CSMD3: variants seen among roughly 807,000 people sequenced by gnomAD.
The protein encoded by CSMD3 is CUB and sushi domain-containing protein 3.
Under a neutral mutation model 435.2 loss-of-function variants are expected in CSMD3, and 177 were observed. The ratio of observed to expected loss-of-function variants is 0.41; its 90% CI spans 0.36 to 0.46. The LOEUF is 0.46. Ranked by LOEUF, CSMD3 falls within the 20% of genes least tolerant of loss-of-function variation. CSMD3 has a pLI of 0.34. For synonymous variants in CSMD3, 1,656 were observed against 1,520.5 expected (o/e 1.09, Z -2.07); for missense variants, 4,265 against 4,504.6 (o/e 0.95, Z 1.52).
At chr8:112,596,897 GC>G (rs1185729495) in intron 22 of CSMD3, among the ~76,000 whole-genome samples, 1 of 151,438 alleles carries the variant, frequency 6.6e-6, no homozygotes, top group Non-Finnish European at 1.5e-5. Context: ...AGCACTAAAT[GC>G]CCACAAGAGA....
chr8:113,118,417 C>A (rs2090897858), intron 4 of CSMD3, among the ~76,000 whole-genome samples: 1 of 152,148 alleles, frequency 6.6e-6, no homozygotes, highest in Admixed American at 6.5e-5. Context: ...GCTCTAGAAT[C>A]AGAAAGACTT....
intron 1 of CSMD3, among the ~76,000 whole-genome samples, chr8:113,402,930 G>C (rs1413059027): frequency 6.6e-6 from 1 of 150,938 alleles, no homozygotes; most frequent in Non-Finnish European, 1.5e-5. Flanking sequence ...AACATGTTTT[G>C]GTTCTGAACA....
intron 4 of CSMD3, among the ~76,000 whole-genome samples, chr8:113,147,444 G>A (rs916790395): frequency 5.3e-4 from 80 of 151,364 alleles, no homozygotes; most frequent in African/African-American, 1.8e-3. Context: ...ATATTCTGTC[G>A]GTCTTTCTGA....
intron 1 of CSMD3, among the ~76,000 whole-genome samples, chr8:113,427,196 T>C (rs1329787815): frequency 6.6e-6 from 1 of 151,446 alleles, no homozygotes; most frequent in African/African-American, 2.4e-5. Context: ...ATATATTTTA[T>C]CATATACACA....
intron 1 of CSMD3, among the ~76,000 whole-genome samples, chr8:113,381,435 AAAG>A (rs534709173): frequency 1.3e-4 from 20 of 152,286 alleles, no homozygotes; most frequent in African/African-American, 4.3e-4. Flanking sequence ...AAAATTGAAA[AAAG>A]AAGATTACTA....
intron 1 of CSMD3, among the ~76,000 whole-genome samples, chr8:113,355,271 C>A (rs1292233989): frequency 1.3e-5 from 2 of 151,358 alleles, no homozygotes; most frequent in Non-Finnish European, 2.9e-5. Context: ...ACATATATAA[C>A]ACACACACAC....
chr8:112,545,915 T>C (rs1827143650), intron 27 of CSMD3, among the ~76,000 whole-genome samples: 1 of 152,184 alleles, frequency 6.6e-6, no homozygotes, highest in South Asian at 2.1e-4. Flanking sequence ...AAATAAGGAC[T>C]GTCCTTAGTA....
chr8:112,518,525 G>A (rs1429245804), intron 27 of CSMD3, among the ~76,000 whole-genome samples: 1 of 151,816 alleles, frequency 6.6e-6, no homozygotes, highest in Non-Finnish European at 1.5e-5. Flanking sequence ...TTTCTCAGCA[G>A]AGCACTAAAT....
intron 3 of CSMD3, among the ~76,000 whole-genome samples, chr8:113,194,437 C>A (rs997363877): frequency 1.3e-5 from 2 of 151,058 alleles, no homozygotes; most frequent in Non-Finnish European, 3.0e-5. Context: ...GATTTTTAGA[C>A]CAGTAAAACC....
chr8:113,076,935 A>C (rs1027636653), intron 5 of CSMD3, among the ~76,000 whole-genome samples: 1 of 152,142 alleles, frequency 6.6e-6, no homozygotes, highest in African/African-American at 2.4e-5. Context: ...ACTATTCCTG[A>C]AGTGACATTA....
intron 23 of CSMD3, among the ~76,000 whole-genome samples, chr8:112,579,397 G>A (rs1830176809): frequency 6.6e-6 from 1 of 152,016 alleles, no homozygotes. Context: ...TGAATGTGAT[G>A]TCATTGAATG....
chr8:112,252,679 GTATATATATATATATA>G (rs10542301), intron 63 of CSMD3, among the ~76,000 whole-genome samples: 2 of 141,440 alleles, frequency 1.4e-5, no homozygotes, highest in Admixed American at 7.2e-5. Context: ...ATGTGTGTGT[GTATATATATATATATA>G]TATATATATA....
Position 112,727,515 on chromosome 8 carries a change from T to C in CSMD3, c.1973-37465A>G, listed in dbSNP as rs549863371. ...ACTATTCTTGGAGGGTGTTACACACTGCTTCAAGATTCTTAATGACTTCAG... is the reference window on the plus strand; with the variant it reads ...ACTATTCTTGGAGGGTGTTACACACCGCTTCAAGATTCTTAATGACTTCAG... On this transcript the variant is annotated intron_variant, in intron 13 of 70. Transcript: ENST00000297405. Among the ~76,000 whole-genome samples, 12 of 151,998 alleles carry C rather than the reference T, an allele frequency of 7.9e-5. No homozygotes were observed. In the South Asian group the frequency reaches 2.5e-3, roughly 31 times the overall value.
At chr8:112,454,224 G>T (rs1321318534) in intron 32 of CSMD3, among the ~76,000 whole-genome samples, 3 of 152,102 alleles carry the variant, frequency 2.0e-5, no homozygotes, top group African/African-American at 7.2e-5. Context: ...AAAAGCAGTT[G>T]CAACAGAAAC....
At chr8:113,230,775 T>C (rs183836359) in intron 3 of CSMD3, among the ~76,000 whole-genome samples, 1 of 151,536 alleles carries the variant, frequency 6.6e-6, no homozygotes, top group Non-Finnish European at 1.5e-5. Context: ...TGTTTGAAAA[T>C]GGATATCAGA....
chr8:112,879,891 A>C (rs1456855179), intron 10 of CSMD3, among the ~76,000 whole-genome samples: 6 of 151,938 alleles, frequency 3.9e-5, no homozygotes, highest in African/African-American at 1.4e-4. Flanking sequence ...GGATACAGGA[A>C]GGGGAACATC....
chr8:113,177,548 T>C lies in CSMD3; in HGVS notation c.515-3632A>G, dbSNP rs547001298. Among the ~76,000 whole-genome samples the C allele has an allele frequency of 2.4e-4, 36 of 152,014 alleles. No individual in the cohort carries two copies. In the South Asian group the frequency reaches 7.5e-3, roughly 31 times the overall value. On this transcript the variant is annotated intron_variant, in intron 3 of 70. Transcript: ENST00000297405. ...TGTCTTCTAACGTCCCATAATACAA[T>C]GATTAAAATGGGATTGCAGTAGGGG...
chr8:112,372,201 T>A (rs1301140402), intron 38 of CSMD3, among the ~76,000 whole-genome samples: 1 of 151,864 alleles, frequency 6.6e-6, no homozygotes, highest in Non-Finnish European at 1.5e-5. Context: ...AAATGAATCG[T>A]GAAAGGAGTA....
chr8:113,066,069 TA>T (rs1209546595), intron 5 of CSMD3, among the ~76,000 whole-genome samples: 1 of 127,158 alleles, frequency 7.9e-6, no homozygotes, highest in Non-Finnish European at 1.7e-5. Flanking sequence ...GTGTGCACAA[TA>T]AAAAAGTTTG....
Sources: allele counts gnomAD v4.1 joint callset (sites outside exome capture counted in the v4.1 genomes callset), GRCh38; gene constraint gnomAD v4.1.1; transcripts MANE v1.5; gene names NCBI Gene and HGNC (gene_info 2026-07-23, HGNC 2026-07-21).